XPA: variants seen among roughly 807,000 people sequenced by gnomAD.
XPA encodes DNA repair protein complementing XP-A cells.
A neutral mutation model predicts 35.7 loss-of-function variants in XPA; 27 were observed. That is an observed-to-expected ratio of 0.76 (90% confidence interval 0.56 to 1.04). The LOEUF is 1.04. XPA is among the 50% of genes least tolerant of loss of function. The probability of loss-of-function intolerance (pLI) is 0.00; values close to 1 mark genes in which losing one functional copy is unlikely to be tolerated. For missense variants in XPA, 354 were observed against 342.7 expected (o/e 1.03, Z -0.26); for synonymous variants, 133 against 118.4 (o/e 1.12, Z -0.80).
At chr9:97,664,957 T>C in the XPA span, among the ~76,000 whole-genome samples, 57 of 152,314 alleles carry the variant, frequency 3.7e-4, 1 homozygote, top group Admixed American at 2.0e-4. Flanking sequence ...TGCAGAAGAT[T>C]CATTCTGCCC....
the XPA span, among the ~76,000 whole-genome samples, chr9:97,659,094 T>C: frequency 2.6e-5 from 4 of 152,258 alleles, no homozygotes; most frequent in Admixed American, 6.5e-5. Context: ...ATTGAGAACA[T>C]AGATGCACAT....
rs745769173 is a variant in XPA at position 97,685,039 on chromosome 9, A to G, written c.557T>C (p.Ile186Thr). Residue 186 changes from isoleucine to threonine, a missense_variant and splice_region_variant, in exon 5 of 6, where the codon ATT (isoleucine) becomes ACT (threonine). Coordinates refer to ENST00000375128, the MANE Select transcript of XPA (RefSeq NM_000380.4). ...GDMKLYLKLQIVKRSLEVWGS... is the reference protein window; with the variant it reads ...GDMKLYLKLQTVKRSLEVWGS... ...CCAAACTTCAAGAGACCTCTTCACA[A>G]TCTACAACACAAAATCCATATTTAA... is the stretch of plus-strand genomic sequence containing the variant. 1.9e-6 allele frequency: 3 copies of G among 1,611,966 alleles called. No individual in the cohort carries two copies. The highest frequency in any genetic ancestry group is 2.5e-6 in the Non-Finnish European group (3 of 1,178,518).
At chr9:97,686,787 G>A (rs1321633219) in intron 4 of XPA, among the ~76,000 whole-genome samples, 1 of 152,026 alleles carries the variant, frequency 6.6e-6, no homozygotes, top group East Asian at 1.9e-4. Flanking sequence ...AACTAGCCAG[G>A]TGCTACTCAG....
chr9:97,655,561 A>G, the XPA span: 1 of 588,772 alleles, frequency 1.7e-6, no homozygotes, highest in South Asian at 2.7e-5. Flanking sequence ...TTGGCAGAAG[A>G]TACAACTGCA....
Position 97,675,040 on chromosome 9 carries a change from T to C in XPA, c.*399A>G. 1 of 530,962 alleles carries C rather than the reference T, an allele frequency of 1.9e-6. No individual in the cohort carries two copies. Among genetic ancestry groups the C allele is most frequent in the Non-Finnish European group, 3.6e-6 (1 of 274,474 alleles). The allele number at this position is 530,962 out of a possible 1,614,324, so 32.9% of individuals were successfully genotyped here. A position where few individuals can be genotyped will look rare whatever the true frequency, so the allele number is the denominator to read the frequency against. ...ATGACTAGAACCTGGGGTACAGTGG[T>C]GCACCACCATTGCTATTATTTGTTT... On this transcript the variant is annotated 3_prime_UTR_variant, in exon 6 of 6. Transcript: ENST00000375128.
chr9:97,681,530 A>G (rs1828539557), intron 5 of XPA, among the ~76,000 whole-genome samples: 1 of 152,198 alleles, frequency 6.6e-6, no homozygotes, highest in Non-Finnish European at 1.5e-5. Flanking sequence ...CATAGTAATA[A>G]ATAATGAAAA....
intron 5 of XPA, among the ~76,000 whole-genome samples, chr9:97,678,641 G>C (rs1408552356): frequency 6.6e-6 from 1 of 152,202 alleles, no homozygotes; most frequent in East Asian, 1.9e-4. Context: ...TTAGAAGACA[G>C]TTCTTATAAC....
chr9:97,664,659 G>A, the XPA span, among the ~76,000 whole-genome samples: 1 of 152,168 alleles, frequency 6.6e-6, no homozygotes, highest in Non-Finnish European at 1.5e-5. Context: ...CTCTTAAGTT[G>A]AATCAAGGCT....
chr9:97,696,987 C>T (rs1366915251), intron 1 of XPA, 134 bp downstream of exon 1: 10 of 1,212,744 alleles, frequency 8.2e-6, no homozygotes, highest in African/African-American at 1.6e-5. Context: ...CCCTCTCCGA[C>T]TCGGGGAGAA....
intron 4 of XPA, among the ~76,000 whole-genome samples, chr9:97,686,123 T>C (rs2131395041): frequency 6.6e-6 from 1 of 152,380 alleles, no homozygotes; most frequent in Admixed American, 6.5e-5. Context: ...CGTTTTGTTT[T>C]ACAATATGGC....
chr9:97,685,071 T>C (rs1331251018), intron 4 of XPA, 31 bp from the exon 5 acceptor site: 1 of 1,589,976 alleles, frequency 6.3e-7, no homozygotes, highest in Admixed American at 1.7e-5. Flanking sequence ...TTAAATAAGT[T>C]GTGATTCAGA....
intron 5 of XPA, among the ~76,000 whole-genome samples, chr9:97,684,281 C>T (rs1207247154): frequency 6.6e-6 from 1 of 152,132 alleles, no homozygotes; most frequent in Non-Finnish European, 1.5e-5. Flanking sequence ...TACAGACAGA[C>T]TTAACAGACA....
chr9:97,661,130 T>TA, the XPA span: 1 of 1,589,062 alleles, frequency 6.3e-7, no homozygotes, highest in Non-Finnish European at 8.5e-7. Context: ...AGCATAAACA[T>TA]AACTCTGGCA....
the XPA span, chr9:97,662,916 A>G: frequency 7.1e-7 from 1 of 1,409,876 alleles, no homozygotes; most frequent in Admixed American, 2.0e-5. Flanking sequence ...TTTAATGAAT[A>G]AGTATATATG....
chr9:97,666,287 CTAA>C, the XPA span, among the ~76,000 whole-genome samples: 1 of 152,294 alleles, frequency 6.6e-6, no homozygotes, highest in African/African-American at 2.4e-5. Flanking sequence ...CTATTATCAA[CTAA>C]TGAGTTTCTT....
At chr9:97,663,556 C>T in the XPA span, among the ~76,000 whole-genome samples, 1 of 151,980 alleles carries the variant, frequency 6.6e-6, no homozygotes, top group African/African-American at 2.4e-5. Context: ...GCAATCTTGG[C>T]TCACTGCAAC....
chr9:97,668,710 C>A, the XPA span: 2 of 878,186 alleles, frequency 2.3e-6, no homozygotes, highest in Non-Finnish European at 3.3e-6. Flanking sequence ...GTGTGGGTGG[C>A]GGGGTGGGGG....
chr9:97,682,298 T>C (rs1305899700), intron 5 of XPA: 1 of 518,774 alleles, frequency 1.9e-6, no homozygotes, highest in African/African-American at 1.9e-5. Flanking sequence ...AAAATACTTT[T>C]AGACTTGCTT....
intron 2 of XPA, 118 bp downstream of exon 2, chr9:97,693,525 TATAAAG>T (rs1587752171): frequency 3.5e-6 from 3 of 861,302 alleles, no homozygotes; most frequent in East Asian, 2.7e-5. Flanking sequence ...TTATCACTTT[TATAAAG>T]ATAATGTACT....
Sources: allele counts gnomAD v4.1 joint callset (sites outside exome capture counted in the v4.1 genomes callset), GRCh38; gene constraint gnomAD v4.1.1; transcripts MANE v1.5; gene names NCBI Gene and HGNC (gene_info 2026-07-23, HGNC 2026-07-21).